The following CATSPERE variants were observed in gnomAD, a reference collection of about 807,000 sequenced individuals.
The protein encoded by CATSPERE is cation channel sperm-associated auxiliary subunit epsilon.
A neutral mutation model predicts 114.1 loss-of-function variants in CATSPERE; 93 were observed. That is an observed-to-expected ratio of 0.81 (90% confidence interval 0.69 to 0.97). The LOEUF (loss-of-function observed/expected upper bound fraction) is 0.97. CATSPERE is among the 50% of genes least tolerant of loss of function. CATSPERE has a pLI of 0.00. For synonymous variants in CATSPERE, 341 were observed against 384.1 expected (o/e 0.89, Z 1.31); for missense variants, 1,058 against 1,131.6 (o/e 0.93, Z 0.93).
chr1:244,611,990 A>C (rs1670797888), intron 19 of CATSPERE, among the ~76,000 whole-genome samples: 1 of 152,174 alleles, frequency 6.6e-6, no homozygotes, highest in Non-Finnish European at 1.5e-5. Context: ...GTTGGGGCCC[A>C]AAAATTTGCA....
intron 20 of CATSPERE, among the ~76,000 whole-genome samples, chr1:244,621,345 T>TATATATA (rs1218035909): frequency 7.7e-6 from 1 of 129,122 alleles, no homozygotes; most frequent in Non-Finnish European, 1.6e-5. Context: ...TATATATATA[T>TATATATA]TCCCTAAGAG....
chr1:244,625,424 A>ATTTTTTTTTT (rs1281579567), intron 20 of CATSPERE, among the ~76,000 whole-genome samples: 13 of 3,950 alleles, frequency 3.3e-3, no homozygotes, highest in Admixed American at 5.2e-3. Context: ...ATATATATAT[A>ATTTTTTTTTT]TATATATATT....
intron 11 of CATSPERE, among the ~76,000 whole-genome samples, chr1:244,574,282 T>C (rs2148584137): frequency 6.6e-6 from 1 of 152,224 alleles, no homozygotes; most frequent in Middle Eastern, 3.4e-3. Flanking sequence ...CCAGCACAGA[T>C]ATCTCGGTTA....
chr1:244,526,900 C>A (rs575290001), intron 8 of CATSPERE, among the ~76,000 whole-genome samples: 1 of 152,134 alleles, frequency 6.6e-6, no homozygotes, highest in South Asian at 2.1e-4. Flanking sequence ...TTCCGTGATG[C>A]CCCCCAAGCC....
intron 19 of CATSPERE, among the ~76,000 whole-genome samples, chr1:244,612,412 C>T (rs1215556800): frequency 1.8e-5 from 1 of 55,960 alleles, no homozygotes; most frequent in Non-Finnish European, 4.3e-5. Context: ...TTAAAAAAAT[C>T]AGGGAAGAAG....
intron 8 of CATSPERE, among the ~76,000 whole-genome samples, chr1:244,521,549 T>C (rs1237020040): frequency 1.3e-5 from 2 of 152,094 alleles, no homozygotes; most frequent in African/African-American, 4.8e-5. Context: ...TTTCAAAATG[T>C]TTTTTACTTC....
At chr1:244,513,124 G>T (rs1172968612) in intron 7 of CATSPERE, among the ~76,000 whole-genome samples, 1 of 152,062 alleles carries the variant, frequency 6.6e-6, no homozygotes, top group African/African-American at 2.4e-5. Context: ...AGGTCCGCAG[G>T]CCCCTTGGCA....
At chr1:244,474,978 A>G (rs1669081336) in intron 2 of CATSPERE, among the ~76,000 whole-genome samples, 10 of 151,816 alleles carry the variant, frequency 6.6e-5, no homozygotes, top group Admixed American at 6.6e-4. Flanking sequence ...CCTGGGCTTA[A>G]GTGAGTTTTA....
At chr1:244,489,383 A>G (rs1413527935) in intron 5 of CATSPERE, among the ~76,000 whole-genome samples, 2 of 151,500 alleles carry the variant, frequency 1.3e-5, no homozygotes, top group African/African-American at 2.4e-5. Context: ...GACAATATCA[A>G]CATTTTAAAG....
Position 244,573,886 on chromosome 1 carries a change from CAG to C in CATSPERE, c.1950+1116_1950+1117del, listed in dbSNP as rs1664851585. On this transcript the variant is annotated intron_variant, in intron 11 of 21. Transcript: ENST00000366534. The surrounding 1 kb of genome is among the most constrained non-coding windows in gnomAD (Gnocchi z 4.0). ...TATAAGTAAAATGTTTACTTAGAAA[CAG>C]AATGCTTGTTCTTTGGTACTACAAG... is the stretch of plus-strand genomic sequence containing the variant. Among the ~76,000 whole-genome samples the C allele has an allele frequency of 1.3e-5, 2 of 152,138 alleles. No individual in the cohort carries two copies. Among genetic ancestry groups the C allele is most frequent in the Admixed American group, 1.3e-4 (2 of 15,276 alleles).
At chr1:244,605,233 A>G (rs574301500) in intron 17 of CATSPERE, among the ~76,000 whole-genome samples, 83 of 152,266 alleles carry the variant, frequency 5.5e-4, no homozygotes, top group African/African-American at 1.9e-3. Flanking sequence ...GAGCTAAAAG[A>G]CAACAGGGCA....
chr1:244,490,363 G>C (rs1251794207), intron 5 of CATSPERE, 84 bp from the exon 6 acceptor site: 10 of 921,708 alleles, frequency 1.1e-5, no homozygotes, highest in Non-Finnish European at 1.5e-5. Context: ...CAAAGGTTTA[G>C]AAACATGTAT....
At chr1:244,591,379 A>G (rs116200624) in intron 14 of CATSPERE, among the ~76,000 whole-genome samples, 74 of 152,312 alleles carry the variant, frequency 4.9e-4, no homozygotes, top group Middle Eastern at 6.8e-3. Context: ...TCTAATTGAA[A>G]TTGTCTATCT....
intron 10 of CATSPERE, among the ~76,000 whole-genome samples, chr1:244,563,743 C>A (rs1662960041): frequency 6.6e-6 from 1 of 152,180 alleles, no homozygotes; most frequent in Non-Finnish European, 1.5e-5. Context: ...TTTTGCTGTG[C>A]AGAAGCTCTT....
intron 9 of CATSPERE, among the ~76,000 whole-genome samples, chr1:244,556,155 A>G (rs1661538609): frequency 6.6e-6 from 1 of 152,204 alleles, no homozygotes; most frequent in African/African-American, 2.4e-5. Flanking sequence ...CTGTGATCAC[A>G]CCATTACACT....
At chr1:244,625,428 A>ATTTTTTTTTTTTTTTTTTT (rs1234328450) in intron 20 of CATSPERE, among the ~76,000 whole-genome samples, 8 of 3,746 alleles carry the variant, frequency 2.1e-3, no homozygotes, top group Non-Finnish European at 4.1e-3. Context: ...ATATATATAT[A>ATTTTTTTTTTTTTTTTTTT]TATATTTTTT....
chr1:244,473,357 C>T (rs1430474199), intron 2 of CATSPERE, among the ~76,000 whole-genome samples: 6 of 152,018 alleles, frequency 3.9e-5, no homozygotes, highest in Admixed American at 2.6e-4. Context: ...TAATGACATA[C>T]GATGTGGAGA....
chr1:244,456,855 A>G (rs1351441099), upstream of CATSPERE, among the ~76,000 whole-genome samples: 1 of 152,226 alleles, frequency 6.6e-6, no homozygotes, highest in Non-Finnish European at 1.5e-5. Context: ...CTAAAATGAA[A>G]GTTGCTAAGA....
intron 5 of CATSPERE, among the ~76,000 whole-genome samples, chr1:244,482,181 A>G (rs1250269330): frequency 6.6e-6 from 1 of 152,194 alleles, no homozygotes; most frequent in Non-Finnish European, 1.5e-5. Context: ...AAGAATAATA[A>G]TGAGGCCTAG....
Sources: allele counts gnomAD v4.1 joint callset (sites outside exome capture counted in the v4.1 genomes callset), GRCh38; gene constraint gnomAD v4.1.1; non-coding constraint Gnocchi (gnomAD v3.1); transcripts MANE v1.5; gene names NCBI Gene and HGNC (gene_info 2026-07-23, HGNC 2026-07-21).